NPHP4: variants seen among roughly 807,000 people sequenced by gnomAD.
NPHP4 encodes the protein nephrocystin 4.
In NPHP4, 151 loss-of-function variants were observed where a neutral mutation model predicts 155.8. The observed-to-expected ratio is 0.97, with a 90% CI of 0.85 to 1.11. NPHP4 has a LOEUF of 1.11. Among genes scored for constraint, NPHP4 ranks in the 50% least tolerant of loss-of-function variants. The pLI is 0.00. For synonymous variants in NPHP4, 845 were observed against 816.8 expected (o/e 1.03, Z -0.59); for missense variants, 1,956 against 1,925.7 (o/e 1.02, Z -0.29).
chr1:5,928,793 G>T (rs2101685527), intron 10 of NPHP4, among the ~76,000 whole-genome samples: 1 of 152,150 alleles, frequency 6.6e-6, no homozygotes, highest in African/African-American at 2.4e-5. Flanking sequence ...TTCAGAATCA[G>T]CTTGTCTATA....
intron 19 of NPHP4, chr1:5,879,712 C>T: frequency 2.2e-6 from 1 of 456,616 alleles, no homozygotes; most frequent in South Asian, 1.6e-5. Flanking sequence ...GGGCACCGAG[C>T]TGCATATGGA....
rs777395261 is a variant in NPHP4 at position 5,867,974 on chromosome 1, C to T, written c.3316-78G>A. The T allele has an allele frequency of 2.4e-5, 35 of 1,474,858 alleles. No homozygotes were observed. In the South Asian group the frequency reaches 3.9e-4, roughly 16 times the overall value. 91.4% of individuals were successfully genotyped at this position (1,474,858 alleles called of 1,614,324 possible). ...TTCTTGTCCCTCCTTAGACAGCACA[C>T]GTATCTCCACTGTTGCCAAGACCCC... On this transcript the variant is annotated intron_variant, in intron 23 of 29. Coordinates refer to ENST00000378156, the MANE Select transcript of NPHP4 (RefSeq NM_015102.5). The surrounding 1 kb of genome is among the most constrained non-coding windows in gnomAD (Gnocchi z 4.1).
In NPHP4 at chr1:5,967,423, C is replaced by T. The variant is rs1382466160; in HGVS notation, c.453-60G>A. 3.8e-6 allele frequency: 5 copies of T among 1,323,392 alleles called. 1 individual carries two copies. In the Admixed American group the frequency reaches 9.7e-5, roughly 26 times the overall value. 82.0% of individuals were successfully genotyped at this position (1,323,392 alleles called of 1,614,324 possible). ...ACGTGCGCACTTCTCAGAAGGAAAG[C>T]ACATGGAGGCCTCAGCCACCACCAC... On this transcript the variant is annotated intron_variant, in intron 4 of 29. Transcript: ENST00000378156.
intron 6 of NPHP4, among the ~76,000 whole-genome samples, chr1:5,954,396 GCATGTGCACTTA>G (rs1648791664): frequency 6.6e-6 from 1 of 152,210 alleles, no homozygotes; most frequent in Admixed American, 6.5e-5. Context: ...GTATTTAAAA[GCATGTGCACTTA>G]CATGTATACA....
chr1:5,907,469 T>C (rs1013932721), intron 12 of NPHP4, among the ~76,000 whole-genome samples: 1 of 152,204 alleles, frequency 6.6e-6, no homozygotes, highest in Non-Finnish European at 1.5e-5. Flanking sequence ...ATAAGAATAT[T>C]ATTAACAAGG....
At chr1:5,979,351 CA>C (rs1654266530) in intron 2 of NPHP4, among the ~76,000 whole-genome samples, 1 of 151,728 alleles carries the variant, frequency 6.6e-6, no homozygotes, top group African/African-American at 2.4e-5. Flanking sequence ...CAGGGCAGGG[CA>C]GGGCAGGCTC....
Position 5,967,280 on chromosome 1 carries a change from G to A in NPHP4, c.517+19C>T. 2 of 1,589,078 alleles carry A rather than the reference G, an allele frequency of 1.3e-6. No homozygotes were observed. The highest frequency in any genetic ancestry group is 1.7e-6 in the Non-Finnish European group (2 of 1,167,102). On this transcript the variant is annotated intron_variant, in intron 5 of 29. Transcript: ENST00000378156. Reference sequence around the variant, plus strand: ...GCACGAGAGCAGTGAGTGCTGCCAAGGCCAGGTCTGGCTCTTACGCTCTGC... The same window carrying A: ...GCACGAGAGCAGTGAGTGCTGCCAAAGCCAGGTCTGGCTCTTACGCTCTGC...
chr1:5,952,790 G>A lies in NPHP4; in HGVS notation c.720C>T (p.His240=). The A allele has an allele frequency of 6.3e-7, 1 of 1,594,308 alleles. No homozygotes were observed. The highest frequency in any genetic ancestry group is 8.5e-7 in the Non-Finnish European group (1 of 1,170,410). Residue 240 remains histidine, a synonymous_variant, in exon 7 of 30, where the codon CAC becomes CAT. Coordinates refer to ENST00000378156, the MANE Select transcript of NPHP4 (RefSeq NM_015102.5). Reference sequence around the variant, plus strand: ...ACAGGGTGAAGAATAAGTCATCCAAGTGCCCCGTGATGGGCTTCTGGAGGC... The same window carrying A: ...ACAGGGTGAAGAATAAGTCATCCAAATGCCCCGTGATGGGCTTCTGGAGGC... ...KPRLQKPITG[H]LDDLFFTLYP... is the part of the protein sequence containing the mutation.
At chr1:5,920,125 T>C (rs1387465706) in intron 11 of NPHP4, among the ~76,000 whole-genome samples, 1 of 152,052 alleles carries the variant, frequency 6.6e-6, no homozygotes, top group Non-Finnish European at 1.5e-5. Context: ...AGAGATAGGG[T>C]TTCACCATGT....
chr1:5,879,560 A>G (rs1033987825), intron 19 of NPHP4: 2 of 518,906 alleles, frequency 3.9e-6, no homozygotes, highest in African/African-American at 3.9e-5. Context: ...GCAGATGAGC[A>G]GCCAACCAGA....
chr1:5,975,727 A>G (rs1327908880), intron 3 of NPHP4, among the ~76,000 whole-genome samples: 1 of 152,224 alleles, frequency 6.6e-6, no homozygotes, highest in Non-Finnish European at 1.5e-5. Context: ...CACAGGCAGC[A>G]TGACACGCAG....
chr1:5,905,587 G>T lies in NPHP4; in HGVS notation c.1763+45C>A, dbSNP rs1644876140. On this transcript the variant is annotated intron_variant, in intron 14 of 29. Coordinates refer to ENST00000378156, the MANE Select transcript of NPHP4 (RefSeq NM_015102.5). This position sits in a 1 kb window ranked among gnomAD's most constrained non-coding sequence, Gnocchi z 4.0. ...GTTCACAAGGTCCAACAGTCTGACG[G>T]CACAGCACGTGACTGGTTCCATCCC... is the stretch of plus-strand genomic sequence containing the variant. 6.2e-7 allele frequency: 1 copy of T among 1,610,610 alleles called. No individual in the cohort carries two copies. The highest frequency in any genetic ancestry group is 8.5e-7 in the Non-Finnish European group (1 of 1,177,658).
intron 6 of NPHP4, among the ~76,000 whole-genome samples, chr1:5,956,490 G>A (rs1649264941): frequency 6.6e-6 from 1 of 152,232 alleles, no homozygotes; most frequent in African/African-American, 2.4e-5. Context: ...GAGGGCCCAG[G>A]GAAGCCAGAG....
At position 5,905,442 on chromosome 1, in the gene NPHP4, T is replaced by C; in HGVS notation, c.1805A>G (p.Gln602Arg). The C allele has an allele frequency of 6.2e-7, 1 of 1,610,860 alleles. No individual in the cohort carries two copies. Among genetic ancestry groups the C allele is most frequent in the Non-Finnish European group, 8.5e-7 (1 of 1,177,226 alleles). The change falls in exon 15 of 30, where the codon CAG becomes CGG. Residue 602 changes from glutamine (Q) to arginine (R), a missense_variant. Gln to Arg is a conservative substitution (Grantham distance 43). Coordinates refer to ENST00000378156, the MANE Select transcript of NPHP4 (RefSeq NM_015102.5). This position sits in a 1 kb window ranked among gnomAD's most constrained non-coding sequence, Gnocchi z 4.0. The part of the protein sequence containing the change: ...QPSRASMVLL[Q>R]SSGFPEILDA... ...CAGAATCTCGGGAAAGCCGGAGGACTGCAGGAGCACCATGGAGGCTCTCGA... is the reference window on the plus strand; with the variant it reads ...CAGAATCTCGGGAAAGCCGGAGGACCGCAGGAGCACCATGGAGGCTCTCGA...
intron 9 of NPHP4, among the ~76,000 whole-genome samples, chr1:5,946,554 T>G (rs756060130): frequency 3.9e-5 from 6 of 152,242 alleles, no homozygotes; most frequent in African/African-American, 9.6e-5. Context: ...GCACCTGTGA[T>G]TTGTGAAATA....
At chr1:5,987,433 C>A (rs1385102342) in intron 1 of NPHP4, among the ~76,000 whole-genome samples, 2 of 152,164 alleles carry the variant, frequency 1.3e-5, no homozygotes, top group African/African-American at 2.4e-5. Flanking sequence ...TTTCATGACA[C>A]CCAGGTGTTA....
intron 11 of NPHP4, among the ~76,000 whole-genome samples, chr1:5,915,010 A>G (rs529980401): frequency 6.6e-6 from 1 of 152,310 alleles, no homozygotes; most frequent in African/African-American, 2.4e-5. Flanking sequence ...AGAGGGCTGG[A>G]TGAGGGGTCC....
At chr1:5,964,563 G>A (rs1355051633) in intron 5 of NPHP4, among the ~76,000 whole-genome samples, 1 of 152,148 alleles carries the variant, frequency 6.6e-6, no homozygotes, top group Non-Finnish European at 1.5e-5. Flanking sequence ...CTGCGTCAAT[G>A]TGCCTGGAGT....
At chr1:5,936,909 T>C (rs34713106) in intron 9 of NPHP4, among the ~76,000 whole-genome samples, 25,992 of 152,152 alleles carry the variant, frequency 0.17, 2,296 homozygotes, top group African/African-American at 0.21. Flanking sequence ...CTTCATTATC[T>C]AGACTGGCCC....
Sources: gnomAD v4.1 joint callset for allele counts (sites outside exome capture counted in the v4.1 genomes callset) on GRCh38, gnomAD v4.1.1 for gene constraint, Gnocchi (gnomAD v3.1) non-coding constraint, MANE v1.5 for transcripts, NCBI Gene and HGNC (gene_info 2026-07-23, HGNC 2026-07-21) for gene names.